The following TRIM6 variants were observed in gnomAD, a reference collection of about 807,000 sequenced individuals.
TRIM6 encodes tripartite motif-containing protein 6.
In TRIM6, 43 loss-of-function variants were observed where a neutral mutation model predicts 51.2. That is an observed-to-expected ratio of 0.84 (90% CI 0.66 to 1.08). The LOEUF is 1.08. TRIM6 is among the 50% of genes least tolerant of loss of function. TRIM6 has a pLI of 0.00. For synonymous variants in TRIM6, 215 were observed against 232.4 expected, an observed-to-expected ratio of 0.93 and a Z score of 0.68; for missense variants, 669 against 619.0, an observed-to-expected ratio of 1.08 and a Z score of -0.86.
At chr11:5,599,420 T>TA (rs1847689780) in intron 1 of TRIM6, among the ~76,000 whole-genome samples, 7 of 149,620 alleles carry the variant, frequency 4.7e-5, no homozygotes, top group South Asian at 2.1e-4. Flanking sequence ...TTTATTTATT[T>TA]TGAGACGGAG....
At position 5,611,229 on chromosome 11, in the gene TRIM6, C is replaced by T; in HGVS notation, c.1438C>T (p.His480Tyr). 6.2e-7 allele frequency: 1 copy of T among 1,613,660 alleles called. No homozygotes were observed. The highest frequency in any genetic ancestry group is 8.5e-7 in the Non-Finnish European group (1 of 1,179,934). Residue 480 changes from histidine to tyrosine, a missense_variant, in exon 8 of 8, where the codon CAT becomes TAT. Coordinates refer to ENST00000380097, the MANE Select transcript of TRIM6 (RefSeq NM_001003818.3). ...GTVSFYNVTNHGFPIYTFSKY... is the reference protein window; with the variant it reads ...GTVSFYNVTNYGFPIYTFSKY... ...TGTCTCCTTTTATAATGTCACAAAC[C>T]ATGGCTTCCCCATCTACACTTTCTC...
intron 1 of TRIM6, among the ~76,000 whole-genome samples, chr11:5,599,258 TCTC>T (rs1313926371): frequency 6.6e-6 from 1 of 152,108 alleles, no homozygotes; most frequent in Non-Finnish European, 1.5e-5. Context: ...AGGCAGTAGT[TCTC>T]CTTCAAGAGA....
Position 5,603,561 on chromosome 11 carries a change from G to A in TRIM6, c.333G>A (p.Glu111=), listed in dbSNP as rs918124737. Reference sequence around the variant, plus strand: ...CCAACATAGTGAGGCGGCTCAGAGAGGTAGTGTTGGGCCCTGGGAAGCAGC... The same window carrying A: ...CCAACATAGTGAGGCGGCTCAGAGAAGTAGTGTTGGGCCCTGGGAAGCAGC... The part of the protein sequence containing the change: ...HLANIVRRLR[E]VVLGPGKQLK... Residue 111 remains glutamate, a synonymous_variant, in exon 2 of 8, where the codon GAG becomes GAA. Coordinates refer to ENST00000380097, the MANE Select transcript of TRIM6 (RefSeq NM_001003818.3). The A allele has an allele frequency of 6.2e-7, 1 of 1,614,048 alleles. No homozygotes were observed. The highest frequency in any genetic ancestry group is 8.5e-7 in the Non-Finnish European group (1 of 1,180,022).
Position 5,611,272 on chromosome 11 carries a change from CT to C in TRIM6, c.1482del (p.Thr495LeufsTer12), listed in dbSNP as rs1564872393. 1 of 1,614,112 alleles carries C rather than the reference CT, an allele frequency of 6.2e-7. No homozygotes were observed. The highest frequency in any genetic ancestry group is 1.7e-5 in the Admixed American group (1 of 60,016). On this transcript the variant is annotated frameshift_variant, in exon 8 of 8. Transcript: ENST00000380097. LOFTEE classifies it high-confidence loss of function. Reference protein sequence around the residue: ...IYTFSKYYFPTTLCPYFNPCN... With the variant: ...IYTFSKYYFPXTLCPYFNPCN... ...ACTTTCTCTAAATATTACTTTCCCA[CT>C]ACTCTTTGTCCATATTTTAATCCTT...
chr11:5,603,037 A>G (rs74050994), intron 1 of TRIM6, among the ~76,000 whole-genome samples: 3,388 of 152,284 alleles, frequency 0.022, 125 homozygotes, highest in African/African-American at 0.078. Flanking sequence ...TCTCTATTCA[A>G]TAGGAGCAAG....
In TRIM6 at chr11:5,608,847, A is replaced by ATT. The variant is rs370630648; in HGVS notation, c.857+473_857+474dup. 6.1e-4 allele frequency among the ~76,000 whole-genome samples: 62 copies of ATT among 101,882 alleles called. 3 individuals are homozygous for ATT. The highest frequency in any genetic ancestry group is 2.7e-3 in the East Asian group (8 of 2,994). 66.8% of individuals were successfully genotyped at this position (101,882 alleles called of 152,430 possible). The stretch of plus-strand genomic sequence containing the variant: ...ACACAGGAATTTTCTTTGCCCATAA[A>ATT]TTTTTTTTTTTTTTTTTTTTTGAGA... On this transcript the variant is annotated intron_variant, in intron 5 of 7. Transcript: ENST00000380097.
rs570422174 is a variant in TRIM6, at chr11:5,603,811, C to G, written c.507+76C>G. The G allele has an allele frequency of 4.5e-6, 7 of 1,544,968 alleles. No individual in the cohort carries two copies. In the East Asian group the frequency reaches 9.1e-5, roughly 20 times the overall value. ...TTTTAACGTTTTATCATGCTCTGAT[C>G]TAATCTCTTTGTAGTCTTTATTTAC... On this transcript the variant is annotated intron_variant, in intron 2 of 7. Coordinates refer to ENST00000380097, the MANE Select transcript of TRIM6 (RefSeq NM_001003818.3).
chr11:5,597,045 A>G (rs1181075515), intron 1 of TRIM6, 131 bp downstream of exon 1: 2 of 1,473,448 alleles, frequency 1.4e-6, no homozygotes, highest in Non-Finnish European at 1.9e-6. Context: ...CTCACTGCAA[A>G]TGACCCCACT....
chr11:5,603,227 T>G lies in TRIM6; in HGVS notation c.18-19T>G, dbSNP rs1244229199. On this transcript the variant is annotated intron_variant, in intron 1 of 7. Coordinates refer to ENST00000380097, the MANE Select transcript of TRIM6 (RefSeq NM_001003818.3). ...TCCTTTCTTACCCTGATCCTTTTTT[T>G]GTTTGTTCATCTACCTAGGATTCTA... The G allele has an allele frequency of 9.4e-6, 15 of 1,604,022 alleles. No homozygotes were observed. Among genetic ancestry groups the G allele is most frequent in the African/African-American group, 1.3e-5 (1 of 74,534 alleles).
intron 2 of TRIM6, among the ~76,000 whole-genome samples, chr11:5,604,165 T>TGTGTGTGTGTGC (rs571111369): frequency 7.0e-6 from 1 of 143,204 alleles, no homozygotes; most frequent in African/African-American, 2.6e-5. Flanking sequence ...CAGCTAATTG[T>TGTGTGTGTGTGC]GTGTGTGTGT....
At chr11:5,601,742 A>C (rs1847868062) in intron 1 of TRIM6, among the ~76,000 whole-genome samples, 1 of 152,170 alleles carries the variant, frequency 6.6e-6, no homozygotes, top group Non-Finnish European at 1.5e-5. Context: ...TGGGCGATAG[A>C]GCAAGACTCA....
At chr11:5,607,649 G>A (rs969616616) in intron 4 of TRIM6, among the ~76,000 whole-genome samples, 6 of 152,210 alleles carry the variant, frequency 3.9e-5, no homozygotes, top group Non-Finnish European at 7.3e-5. Flanking sequence ...GAAGTGGACT[G>A]ACTTGGGCAA....
In TRIM6 at chr11:5,604,566, GA is replaced by G; in HGVS notation, c.542del (p.Asn181ThrfsTer9). 1 of 1,613,338 alleles carries G rather than the reference GA, an allele frequency of 6.2e-7. No individual in the cohort carries two copies. On this transcript the variant is annotated frameshift_variant, in exon 3 of 8. Coordinates refer to ENST00000380097, the MANE Select transcript of TRIM6 (RefSeq NM_001003818.3). LOFTEE classifies it high-confidence loss of function. ...KFQESLKKLKNEEQEAEKLTA... is the reference protein window; with the variant it reads ...KFQESLKKLKXEEQEAEKLTA... Reference sequence around the variant, plus strand: ...TTCAGGAGTCTCTAAAGAAGCTGAAGAACGAGGAGCAGGAAGCTGAGAAGCT... The same window carrying G: ...TTCAGGAGTCTCTAAAGAAGCTGAAGACGAGGAGCAGGAAGCTGAGAAGCT...
Position 5,611,296 on chromosome 11 carries a change from C to G in TRIM6, c.1505C>G (p.Pro502Arg). ...FPTTLCPYFNPCNCVIPMTLR... is the reference protein window; with the variant it reads ...FPTTLCPYFNRCNCVIPMTLR... ...ACTACTCTTTGTCCATATTTTAATCCTTGCAACTGTGTAATTCCTATGACC... is the reference window on the plus strand; with the variant it reads ...ACTACTCTTTGTCCATATTTTAATCGTTGCAACTGTGTAATTCCTATGACC... The change falls in exon 8 of 8, where the codon CCT becomes CGT. Residue 502 changes from proline (P) to arginine (R), a missense_variant. Pro to Arg is a moderately radical substitution (Grantham distance 103, BLOSUM62 -2). Transcript: ENST00000380097. 6.2e-7 allele frequency: 1 copy of G among 1,614,116 alleles called. No individual in the cohort carries two copies. Among genetic ancestry groups the G allele is most frequent in the Non-Finnish European group, 8.5e-7 (1 of 1,179,998 alleles).
chr11:5,596,511 G>A (rs1449597749), upstream of TRIM6: 1 of 10,448 alleles, frequency 9.6e-5, no homozygotes, highest in East Asian at 2.5e-3. Flanking sequence ...CCCTTCCCCC[G>A]TTCTCCCCTT....
chr11:5,610,778 T>A lies in TRIM6; in HGVS notation c.987T>A (p.Val329=), dbSNP rs1410627528. The change falls in exon 8 of 8, where the codon GTT becomes GTA. Residue 329 remains valine, a splice_region_variant and synonymous_variant. Coordinates refer to ENST00000380097, the MANE Select transcript of TRIM6 (RefSeq NM_001003818.3). ...RELTDVQSYW[V]DVTLNPHTAN... is the part of the protein sequence containing the mutation. ...CTGATGTTGTACCTTTTCCTACAGTTGACGTGACCCTGAATCCACACACAG... is the reference window on the plus strand; with the variant it reads ...CTGATGTTGTACCTTTTCCTACAGTAGACGTGACCCTGAATCCACACACAG... 1.2e-6 allele frequency: 2 copies of A among 1,613,896 alleles called. No homozygotes were observed. The highest frequency in any genetic ancestry group is 3.3e-5 in the Admixed American group (2 of 60,014).
At position 5,610,818 on chromosome 11, in the gene TRIM6, G is replaced by A; in HGVS notation, c.1027G>A (p.Val343Ile). The A allele has an allele frequency of 6.2e-7, 1 of 1,614,106 alleles. No homozygotes were observed. Among genetic ancestry groups the A allele is most frequent in the East Asian group, 2.2e-5 (1 of 44,880 alleles). The change falls in exon 8 of 8, where the codon GTC (valine) becomes ATC (isoleucine). Residue 343 changes from valine (V) to isoleucine (I), a missense_variant. Transcript: ENST00000380097. ...TCCACACACAGCTAATTTAAATCTT[G>A]TCCTGGCTAAAAACCGGAGACAAGT... ...LNPHTANLNLVLAKNRRQVRF... is the reference protein window; with the variant it reads ...LNPHTANLNLILAKNRRQVRF...
intron 1 of TRIM6, among the ~76,000 whole-genome samples, chr11:5,599,393 A>ATTT (rs1461274182): frequency 4.0e-5 from 6 of 150,490 alleles, no homozygotes; most frequent in Non-Finnish European, 5.9e-5. Context: ...ATATTTATTT[A>ATTT]TTTATTTATT....
Position 5,611,020 on chromosome 11 carries a change from T to C in TRIM6, c.1229T>C (p.Phe410Ser). Residue 410 changes from phenylalanine (F) to serine (S), a missense_variant, in exon 8 of 8, where the codon TTC (phenylalanine) becomes TCC (serine). Coordinates refer to ENST00000380097, the MANE Select transcript of TRIM6 (RefSeq NM_001003818.3). Reference protein sequence around the residue: ...CSNSLGPTFSFNHFAQNHSAY... With the variant: ...CSNSLGPTFSSNHFAQNHSAY... ...AATTCACTGGGACCTACATTCTCTT[T>C]CAACCATTTTGCTCAAAATCACAGT... 1 of 1,614,162 alleles carries C rather than the reference T, an allele frequency of 6.2e-7. No homozygotes were observed. The highest frequency in any genetic ancestry group is 8.5e-7 in the Non-Finnish European group (1 of 1,180,046).
Sources: allele counts gnomAD v4.1 joint callset (sites outside exome capture counted in the v4.1 genomes callset), GRCh38; gene constraint gnomAD v4.1.1; transcripts MANE v1.5; gene names NCBI Gene and HGNC (gene_info 2026-07-23, HGNC 2026-07-21).